Variants in C7 observed in about 807,000 individuals in gnomAD.
C7 encodes complement C7.
Under a neutral mutation model 104.8 loss-of-function variants are expected in C7, and 83 were observed. The ratio of observed to expected loss-of-function variants is 0.79; its 90% CI spans 0.66 to 0.95. The LOEUF is 0.95. C7 is among the 40% of genes least tolerant of loss of function. The pLI, the probability that C7 is intolerant of heterozygous loss-of-function variation, is 0.00. For synonymous variants in C7, 415 were observed against 360.6 expected (o/e 1.15, Z -1.71); for missense variants, 1,070 against 1,011.2 (o/e 1.06, Z -0.79).
At chr5:40,933,071 A>G (rs1007151922) in intron 3 of C7, among the ~76,000 whole-genome samples, 15 of 152,158 alleles carry the variant, frequency 9.9e-5, no homozygotes, top group African/African-American at 3.6e-4. Flanking sequence ...ATCACTTACA[A>G]AGGGACTAAA....
At chr5:40,913,063 A>G (rs1739243929) in intron 1 of C7, among the ~76,000 whole-genome samples, 3 of 152,098 alleles carry the variant, frequency 2.0e-5, no homozygotes, top group Non-Finnish European at 4.4e-5. Context: ...ACTTGATTTT[A>G]TGTTTCTAAG....
In C7 at chr5:40,958,192, C is replaced by T. The variant is rs771516052; in HGVS notation, c.1420C>T (p.Leu474=). ...GGCTACTGTTGAGGGGACCCATTGT[C>T]TGTGCCATTGCAAACCGTACACATT... ...GLATVEGTHC[L]CHCKPYTFGA... The change falls in exon 11 of 18, where the codon CTG becomes TTG. Residue 474 remains leucine (L), a synonymous_variant. Transcript: ENST00000313164. 2.6e-5 allele frequency: 42 copies of T among 1,613,622 alleles called. No homozygotes were observed. In the South Asian group the frequency reaches 4.3e-4, roughly 16 times the overall value.
In C7 at chr5:40,983,284, C is replaced by T. The variant is rs1231648483; in HGVS notation, c.*1711C>T. 3.3e-5 allele frequency among the ~76,000 whole-genome samples: 5 copies of T among 152,182 alleles called. No individual in the cohort carries two copies. The highest frequency in any genetic ancestry group is 4.8e-5 in the African/African-American group (2 of 41,448). On this transcript the variant is annotated 3_prime_UTR_variant, in exon 18 of 18. Transcript: ENST00000313164. Reference sequence around the variant, plus strand: ...TGGAAGGAAATACCTCAGTATCCTTCCAATAATTTCTCCTCTTAGCTTAAG... The same window carrying T: ...TGGAAGGAAATACCTCAGTATCCTTTCAATAATTTCTCCTCTTAGCTTAAG...
intron 8 of C7, among the ~76,000 whole-genome samples, chr5:40,948,074 A>G (rs1326981943): frequency 1.3e-5 from 2 of 152,158 alleles, no homozygotes; most frequent in East Asian, 3.9e-4. Flanking sequence ...CATTATCATT[A>G]TTGGCTATCT....
chr5:40,963,470 C>T (rs1367756445), intron 13 of C7, among the ~76,000 whole-genome samples: 1 of 152,110 alleles, frequency 6.6e-6, no homozygotes, highest in Non-Finnish European at 1.5e-5. Context: ...CCCCATTTCC[C>T]TCAAACCTCA....
rs540846341 is a variant in C7, at chr5:40,935,526, GTTTAA to G, written c.281-808_281-804del. Among the ~76,000 whole-genome samples, 224 of 152,296 alleles carry G rather than the reference GTTTAA, an allele frequency of 1.5e-3. 3 individuals carry two copies. Among genetic ancestry groups the G allele is most frequent in the African/African-American group, 4.9e-3 (204 of 41,564 alleles). On this transcript the variant is annotated intron_variant, in intron 4 of 17. Coordinates refer to ENST00000313164, the MANE Select transcript of C7 (RefSeq NM_000587.4). Reference sequence around the variant, plus strand: ...GCGATGGTTTTCAAGAGGAGATAATGTTTAATTTGATTCTTGAAGGACAAGTAAGA... The same window carrying G: ...GCGATGGTTTTCAAGAGGAGATAATGTTTGATTCTTGAAGGACAAGTAAGA...
At position 40,931,099 on chromosome 5, in the gene C7, A is replaced by G. The variant is rs370335312; in HGVS notation, c.98A>G (p.Tyr33Cys). Residue 33 changes from tyrosine (Y) to cysteine (C), a missense_variant, in exon 3 of 18, where the codon TAT (tyrosine) becomes TGT (cysteine). By Grantham distance (194) the Tyr-to-Cys change is radical (BLOSUM62 -2). Transcript: ENST00000313164. ...CCAGTCAACTGCCAGTGGGACTTCTATGCCCCTTGGTCAGAATGCAATGGC... is the reference window on the plus strand; with the variant it reads ...CCAGTCAACTGCCAGTGGGACTTCTGTGCCCCTTGGTCAGAATGCAATGGC... The part of the protein sequence containing the change: ...SSPVNCQWDF[Y>C]APWSECNGCT... 9.3e-6 allele frequency: 15 copies of G among 1,613,574 alleles called. No homozygotes were observed. Among genetic ancestry groups the G allele is most frequent in the Non-Finnish European group, 1.2e-5 (14 of 1,179,682 alleles).
chr5:40,916,314 A>C (rs1424033473), intron 1 of C7, among the ~76,000 whole-genome samples: 1 of 152,228 alleles, frequency 6.6e-6, no homozygotes, highest in African/African-American at 2.4e-5. Context: ...CATAAAGATG[A>C]TCATAAAAGG....
intron 15 of C7, among the ~76,000 whole-genome samples, chr5:40,973,524 A>G (rs1184673299): frequency 6.6e-6 from 1 of 152,210 alleles, no homozygotes. Flanking sequence ...TCAGATACTG[A>G]TGGTAGATAT....
At chr5:40,925,821 C>T (rs1404566721) in intron 1 of C7, among the ~76,000 whole-genome samples, 1 of 152,140 alleles carries the variant, frequency 6.6e-6, no homozygotes, top group Non-Finnish European at 1.5e-5. Context: ...CAAGAGATAA[C>T]CCAAACATTT....
chr5:40,932,151 A>G (rs1739698134), intron 3 of C7, among the ~76,000 whole-genome samples: 1 of 152,162 alleles, frequency 6.6e-6, no homozygotes, highest in Non-Finnish European at 1.5e-5. Flanking sequence ...GCTTATAATT[A>G]AAAAAATTGA....
intron 1 of C7, among the ~76,000 whole-genome samples, chr5:40,913,099 T>C (rs9292791): frequency 0.04 from 6,158 of 152,274 alleles, 437 homozygotes; most frequent in African/African-American, 0.14. Flanking sequence ...TAATGGCCTC[T>C]AGTTCCATCC....
At chr5:40,963,034 C>G (rs1740456016) in intron 13 of C7, among the ~76,000 whole-genome samples, 1 of 152,164 alleles carries the variant, frequency 6.6e-6, no homozygotes, top group Non-Finnish European at 1.5e-5. Context: ...ACCACCCATT[C>G]TGTCCTACCA....
At chr5:40,951,049 A>G (rs1339560653) in intron 9 of C7, among the ~76,000 whole-genome samples, 1 of 152,206 alleles carries the variant, frequency 6.6e-6, no homozygotes, top group African/African-American at 2.4e-5. Flanking sequence ...AAGAATGGAG[A>G]AGGAAACATT....
At position 40,964,804 on chromosome 5, in the gene C7, C is replaced by T. The variant is rs181595189; in HGVS notation, c.1813C>T (p.Leu605Phe). The T allele has an allele frequency of 6.2e-7, 1 of 1,613,516 alleles. No homozygotes were observed. Residue 605 changes from leucine (L) to phenylalanine (F), a missense_variant, in exon 14 of 18, where the codon CTT (leucine) becomes TTT (phenylalanine). By Grantham distance (22) the Leu-to-Phe change is conservative. Transcript: ENST00000313164. The stretch of plus-strand genomic sequence containing the variant: ...GTACACTTGCAATGAAGGATACTCT[C>T]TTATTGGAAACCCAGTGGCCAGATG... ...VVYTCNEGYS[L>F]IGNPVARCGE...
At chr5:40,945,875 CATATATAT>C (rs58480949) in intron 7 of C7, among the ~76,000 whole-genome samples, 2,226 of 127,264 alleles carry the variant, frequency 0.017, 24 homozygotes, top group African/African-American at 0.033. Context: ...AAAAAAAATA[CATATATAT>C]ATATATATAT....
intron 4 of C7, 34 bp downstream of exon 4, chr5:40,934,500 T>G (rs1739774117): frequency 1.2e-6 from 2 of 1,604,550 alleles, no homozygotes; most frequent in South Asian, 2.2e-5. Flanking sequence ...GCATGCAGAT[T>G]GTAAATTCAA....
chr5:40,952,450 AC>A lies in C7; in HGVS notation c.1093+2437del, dbSNP rs758339917. Among the ~76,000 whole-genome samples, 10 of 149,546 alleles carry A rather than the reference AC, an allele frequency of 6.7e-5. No homozygotes were observed. In the East Asian group the frequency reaches 9.9e-4, roughly 15 times the overall value. On this transcript the variant is annotated intron_variant, in intron 9 of 17. Transcript: ENST00000313164. ...AAAGGGAGGCTAAAGCCTTAAAAAAACATCATGATGGTAGAATCTGTAATTC... is the reference window on the plus strand; with the variant it reads ...AAAGGGAGGCTAAAGCCTTAAAAAAAATCATGATGGTAGAATCTGTAATTC...
rs149406227 is a variant in C7, at chr5:40,922,588, C to A, written c.7-5992C>A. On this transcript the variant is annotated intron_variant, in intron 1 of 17. Transcript: ENST00000313164. ...TGGTGGCACGTGCCTGTAATTTCAA[C>A]TACTAAGGAGGCTGAGGCAGGAGAA... Among the ~76,000 whole-genome samples, 840 of 150,610 alleles carry A rather than the reference C, an allele frequency of 5.6e-3. 15 individuals are homozygous for A. The highest frequency in any genetic ancestry group is 0.02 in the African/African-American group (820 of 40,906).
Sources: allele counts gnomAD v4.1 joint callset (sites outside exome capture counted in the v4.1 genomes callset), GRCh38; gene constraint gnomAD v4.1.1; transcripts MANE v1.5; gene names NCBI Gene and HGNC (gene_info 2026-07-23, HGNC 2026-07-21).